The following PTPRF variants were observed in gnomAD, a reference collection of about 807,000 sequenced individuals.
PTPRF encodes receptor-type tyrosine-protein phosphatase F.
Under a neutral mutation model 201.8 loss-of-function variants are expected in PTPRF, and 59 were observed. That is an observed-to-expected ratio of 0.29 (90% CI 0.24 to 0.36). The LOEUF (loss-of-function observed/expected upper bound fraction) is 0.36, where lower values mean the gene tolerates loss of function less well. Ranked by LOEUF, PTPRF falls within the 10% of genes least tolerant of loss-of-function variation. The pLI, the probability that PTPRF is intolerant of heterozygous loss-of-function variation, is 1.00. For missense variants in PTPRF, 2,132 were observed against 2,690.5 expected, an observed-to-expected ratio of 0.79 and a Z score of 4.59; for synonymous variants, 1,088 against 1,089.7, an observed-to-expected ratio of 1.00 and a Z score of 0.03.
At chr1:43,571,083 T>C (rs932035167) in intron 6 of PTPRF, among the ~76,000 whole-genome samples, 1 of 152,162 alleles carries the variant, frequency 6.6e-6, no homozygotes, top group Non-Finnish European at 1.5e-5. Context: ...GTTCATCTAG[T>C]ATTTATATAG....
chr1:43,529,709 G>A (rs1428816527), upstream of PTPRF, among the ~76,000 whole-genome samples: 3 of 152,214 alleles, frequency 2.0e-5, no homozygotes, highest in South Asian at 2.1e-4. Flanking sequence ...CACGGATTGC[G>A]TGGGGGCGGG....
At chr1:43,609,187 C>G (rs1655859448) in intron 21 of PTPRF, among the ~76,000 whole-genome samples, 196 bp from the exon 22 acceptor site, 1 of 152,286 alleles carries the variant, frequency 6.6e-6, no homozygotes, top group South Asian at 2.1e-4. Flanking sequence ...TCTCCCTACC[C>G]CCTCCCTGCC....
At chr1:43,609,343 G>C in intron 21 of PTPRF, 40 bp from the exon 22 acceptor site, 1 of 1,553,380 alleles carries the variant, frequency 6.4e-7, no homozygotes, top group Non-Finnish European at 8.9e-7. Context: ...GTCTCAGCCT[G>C]GACCTCAGGT....
At chr1:43,544,984 C>A in intron 2 of PTPRF, 47 bp from the exon 3 acceptor site, 1 of 1,130,970 alleles carries the variant, frequency 8.8e-7, no homozygotes, top group Non-Finnish European at 1.3e-6. Context: ...GCATTAGGGA[C>A]AGCAGTAAAT....
upstream of PTPRF, among the ~76,000 whole-genome samples, chr1:43,529,138 A>G (rs569308714): frequency 6.6e-6 from 1 of 152,272 alleles, no homozygotes; most frequent in East Asian, 1.9e-4. Context: ...AAAGGCAAAA[A>G]TGCTTAAAGA....
chr1:43,577,809 G>T (rs916652501), intron 6 of PTPRF, among the ~76,000 whole-genome samples: 9 of 152,226 alleles, frequency 5.9e-5, no homozygotes, highest in Non-Finnish European at 1.2e-4. Context: ...GGACCGTCCT[G>T]TGTGGGTGTA....
In PTPRF at chr1:43,619,217, T is replaced by C; in HGVS notation, c.4646+15T>C. ...GTGCACTGCAGGTGAGAGGGTACAGTGCCACCCAGAGGGGTGGGTGGGGTG... is the reference window on the plus strand; with the variant it reads ...GTGCACTGCAGGTGAGAGGGTACAGCGCCACCCAGAGGGGTGGGTGGGGTG... On this transcript the variant is annotated intron_variant, in intron 27 of 33. Coordinates refer to ENST00000359947, the MANE Select transcript of PTPRF (RefSeq NM_002840.5). 2 of 739,410 alleles carry C rather than the reference T, an allele frequency of 2.7e-6. No individual in the cohort carries two copies. The highest frequency in any genetic ancestry group is 4.3e-6 in the Non-Finnish European group (2 of 462,704). 45.8% of individuals were successfully genotyped at this position (739,410 alleles called of 1,614,324 possible).
At chr1:43,608,508 A>T (rs773024535) in intron 21 of PTPRF, among the ~76,000 whole-genome samples, 15 of 152,136 alleles carry the variant, frequency 9.9e-5, no homozygotes, top group Non-Finnish European at 2.2e-4. Context: ...CATTGGTGTG[A>T]GGAGGCAGTT....
chr1:43,540,526 G>T lies in PTPRF; in HGVS notation c.-46+2249G>T, dbSNP rs950550507. 3.3e-5 allele frequency among the ~76,000 whole-genome samples: 5 copies of T among 152,204 alleles called. No homozygotes were observed. The East Asian group carries it at 7.7e-4, about 23-fold the overall frequency. The stretch of plus-strand genomic sequence containing the variant: ...GAGGAAGGGGCCTGGAGGCTTAGGG[G>T]TTACAGCCGCAGGAAGATACCTCTG... On this transcript the variant is annotated intron_variant, in intron 2 of 33. Transcript: ENST00000359947.
In PTPRF at chr1:43,604,951, T is replaced by G; in HGVS notation, c.3086T>G (p.Leu1029Arg). 3 of 1,614,206 alleles carry G rather than the reference T, an allele frequency of 1.9e-6. No individual in the cohort carries two copies. The highest frequency in any genetic ancestry group is 2.5e-6 in the Non-Finnish European group (3 of 1,180,050). Residue 1029 changes from leucine (L) to arginine (R), a missense_variant, in exon 17 of 34, where the codon CTG (leucine) becomes CGG (arginine). Transcript: ENST00000359947. ...RVAAAMKTSV[L>R]LSWEVPDSYK... ...GCGGCTGCAATGAAGACGTCTGTGCTGCTCAGCTGGGAGGTTCCCGACTCC... is the reference window on the plus strand; with the variant it reads ...GCGGCTGCAATGAAGACGTCTGTGCGGCTCAGCTGGGAGGTTCCCGACTCC...
chr1:43,573,881 G>T (rs1458220218), intron 6 of PTPRF, among the ~76,000 whole-genome samples: 2 of 151,476 alleles, frequency 1.3e-5, no homozygotes, highest in African/African-American at 4.8e-5. Flanking sequence ...AAGTCCTGGC[G>T]TGGATGACAG....
chr1:43,601,812 G>A (rs938015638), intron 13 of PTPRF, among the ~76,000 whole-genome samples: 1 of 152,152 alleles, frequency 6.6e-6, no homozygotes, highest in Admixed American at 6.5e-5. Flanking sequence ...TTCTGTCAGC[G>A]GGTCCTCTCC....
chr1:43,612,286 C>T (rs1390169132), intron 22 of PTPRF, among the ~76,000 whole-genome samples: 3 of 152,024 alleles, frequency 2.0e-5, no homozygotes, highest in Admixed American at 6.6e-5. Context: ...CAAGTGGGGG[C>T]TGAGAAAGTG....
chr1:43,559,329 T>C (rs957907637), intron 5 of PTPRF, among the ~76,000 whole-genome samples: 1 of 151,942 alleles, frequency 6.6e-6, no homozygotes, highest in African/African-American at 2.4e-5. Context: ...CAGCGCGCAG[T>C]GTTTGTGTGC....
In PTPRF at chr1:43,603,087, C is replaced by T. The variant is rs6667383; in HGVS notation, c.2341-329C>T. Among the ~76,000 whole-genome samples the T allele has an allele frequency of 0.37, 56,035 of 152,050 alleles. 10,716 individuals are homozygous for T. The highest frequency in any genetic ancestry group is 0.56 in the East Asian group (2,894 of 5,148). On this transcript the variant is annotated intron_variant, in intron 14 of 33. Transcript: ENST00000359947. The surrounding 1 kb of genome is among the most constrained non-coding windows in gnomAD (Gnocchi z 5.8). ...AGCCACGCAAGGTGCTGGGTGCGTGCGAGGCTGTGCCCTGTTGATATCCTC... is the reference window on the plus strand; with the variant it reads ...AGCCACGCAAGGTGCTGGGTGCGTGTGAGGCTGTGCCCTGTTGATATCCTC...
At chr1:43,602,201 A>G in intron 14 of PTPRF, 104 bp downstream of exon 14, 1 of 1,387,188 alleles carries the variant, frequency 7.2e-7, no homozygotes, top group Non-Finnish European at 1.0e-6. Context: ...GCCAAGATCC[A>G]CAGGGCTCTA....
chr1:43,607,166 G>A (rs1237044391), intron 21 of PTPRF, among the ~76,000 whole-genome samples, 198 bp downstream of exon 21: 1 of 152,242 alleles, frequency 6.6e-6, no homozygotes, highest in Non-Finnish European at 1.5e-5. Context: ...AGGTGAGGGA[G>A]CCTCTGCAGC....
At chr1:43,540,498 C>A (rs1449146497) in intron 2 of PTPRF, among the ~76,000 whole-genome samples, 1 of 152,164 alleles carries the variant, frequency 6.6e-6, no homozygotes. Flanking sequence ...GACCCCAGCC[C>A]CAGAGGAAGG....
chr1:43,593,836 A>C (rs182560927), intron 11 of PTPRF, among the ~76,000 whole-genome samples: 39 of 151,786 alleles, frequency 2.6e-4, no homozygotes, highest in Non-Finnish European at 4.0e-4. Context: ...AAATACAAAA[A>C]TTAGCCAGGC....
Sources: gnomAD v4.1 joint callset for allele counts (sites outside exome capture counted in the v4.1 genomes callset) on GRCh38, gnomAD v4.1.1 for gene constraint, Gnocchi (gnomAD v3.1) non-coding constraint, MANE v1.5 for transcripts, NCBI Gene and HGNC (gene_info 2026-07-23, HGNC 2026-07-21) for gene names.